The following VAV2 variants were observed in gnomAD, a reference collection of about 807,000 sequenced individuals.
The protein encoded by VAV2 is guanine nucleotide exchange factor VAV2.
VAV2 carries 67 observed loss-of-function variants against 132.5 expected under a neutral mutation model. The observed-to-expected ratio is 0.51, with a 90% CI of 0.42 to 0.62. VAV2 has a LOEUF of 0.62. Ranked by LOEUF, VAV2 falls within the 20% of genes least tolerant of loss-of-function variation. The pLI is 0.00. For synonymous variants in VAV2, 492 were observed against 443.5 expected (o/e 1.11, Z -1.37); for missense variants, 938 against 1,153.6 (o/e 0.81, Z 2.71).
At chr9:133,839,852 T>G (rs549367070) in intron 3 of VAV2, among the ~76,000 whole-genome samples, 14 of 152,304 alleles carry the variant, frequency 9.2e-5, no homozygotes, top group Non-Finnish European at 1.8e-4. Flanking sequence ...GATTAAACAG[T>G]GTGACACACA....
intron 3 of VAV2, among the ~76,000 whole-genome samples, chr9:133,843,133 G>A (rs1440633108): frequency 2.6e-5 from 4 of 152,200 alleles, no homozygotes; most frequent in South Asian, 4.1e-4. Flanking sequence ...GGTCGAACCC[G>A]GCTTTCCACC....
intron 1 of VAV2, among the ~76,000 whole-genome samples, chr9:133,951,753 T>C (rs1442223272): frequency 6.6e-6 from 1 of 152,134 alleles, no homozygotes; most frequent in African/African-American, 2.4e-5. Flanking sequence ...GCTGCAGGAA[T>C]AGGATCCTCA....
In VAV2 at chr9:133,920,187, C is replaced by T. The variant is rs551283810; in HGVS notation, c.321+18916G>A. Among the ~76,000 whole-genome samples, 14 of 152,290 alleles carry T rather than the reference C, an allele frequency of 9.2e-5. No homozygotes were observed. The South Asian group carries it at 2.9e-3, about 32-fold the overall frequency. On this transcript the variant is annotated intron_variant, in intron 2 of 29. Transcript: ENST00000371850. ...CCATCAAAGGCAGAGCTGAGAGCCT[C>T]CTTCTAGTCAGCCCCAGAAAGGCCT...
intron 2 of VAV2, among the ~76,000 whole-genome samples, chr9:133,931,115 T>C (rs953170222): frequency 1.6e-4 from 24 of 152,256 alleles, no homozygotes; most frequent in African/African-American, 5.8e-4. Flanking sequence ...CAGGGTGGCC[T>C]GGGCTGGGAC....
chr9:133,768,628 T>G lies in VAV2; in HGVS notation c.2435-32A>C, dbSNP rs773663965. On this transcript the variant is annotated intron_variant, in intron 28 of 29. Coordinates refer to ENST00000371850, the MANE Select transcript of VAV2 (RefSeq NM_001134398.2). The surrounding 1 kb of genome is among the most constrained non-coding windows in gnomAD (Gnocchi z 5.3). ...AGGGAGATGGGCAGCATCACACAGCTGCAGGAGGAGCCCAACCAGTGATCC... is the reference window on the plus strand; with the variant it reads ...AGGGAGATGGGCAGCATCACACAGCGGCAGGAGGAGCCCAACCAGTGATCC... 29 of 1,603,544 alleles carry G rather than the reference T, an allele frequency of 1.8e-5. No individual in the cohort carries two copies. The highest frequency in any genetic ancestry group is 2.6e-6 in the Non-Finnish European group (3 of 1,175,120).
At chr9:133,822,575 G>C (rs1397769404) in intron 4 of VAV2, among the ~76,000 whole-genome samples, 9 of 152,152 alleles carry the variant, frequency 5.9e-5, no homozygotes, top group Admixed American at 5.9e-4. Context: ...ATGAGGGAGG[G>C]AGGCCTTGCT....
chr9:133,975,234 C>T (rs1045708454), intron 1 of VAV2, among the ~76,000 whole-genome samples: 2 of 152,168 alleles, frequency 1.3e-5, no homozygotes, highest in East Asian at 1.9e-4. Context: ...TGGCCTCCCC[C>T]ACCAGGAGCT....
chr9:133,763,879 G>A lies in VAV2; in HGVS notation c.*183C>T, dbSNP rs755071321. ...ATAGCATACCCAGTGATGGGTCGCC[G>A]AGGGCAGGCTGACAGTGAAACGGTT... is the stretch of plus-strand genomic sequence containing the variant. On this transcript the variant is annotated 3_prime_UTR_variant, in exon 30 of 30. Transcript: ENST00000371850. The surrounding 1 kb of genome is among the most constrained non-coding windows in gnomAD (Gnocchi z 6.8). 7.3e-5 allele frequency: 52 copies of A among 708,338 alleles called. No individual in the cohort carries two copies. The highest frequency in any genetic ancestry group is 9.0e-5 in the Non-Finnish European group (38 of 422,530). 43.9% of individuals were successfully genotyped at this position (708,338 alleles called of 1,614,324 possible). A position where few individuals can be genotyped will look rare whatever the true frequency, so the allele number is the denominator to read the frequency against.
intron 2 of VAV2, among the ~76,000 whole-genome samples, chr9:133,891,621 G>A (rs1416804151): frequency 1.5e-4 from 3 of 19,384 alleles, no homozygotes; most frequent in Admixed American, 4.2e-4. Flanking sequence ...GAGAGGGATG[G>A]AGGGGAGGGA....
chr9:133,979,815 C>T (rs796706135), intron 1 of VAV2, among the ~76,000 whole-genome samples: 3 of 152,188 alleles, frequency 2.0e-5, no homozygotes, highest in South Asian at 2.1e-4. Context: ...GAGGGGAAGG[C>T]GGCGCCAGCT....
At chr9:133,841,005 T>C (rs1836700051) in intron 3 of VAV2, among the ~76,000 whole-genome samples, 1 of 152,106 alleles carries the variant, frequency 6.6e-6, no homozygotes, top group Admixed American at 6.5e-5. Flanking sequence ...GTTTGCTTTC[T>C]TGGAGGGCCC....
intron 1 of VAV2, among the ~76,000 whole-genome samples, chr9:133,958,315 T>C (rs1165384813): frequency 6.2e-5 from 9 of 144,534 alleles, no homozygotes; most frequent in Admixed American, 5.6e-4. Context: ...TAAAACCGGA[T>C]TGTACGTTCC....
At chr9:133,820,699 G>A (rs954544342) in intron 4 of VAV2, among the ~76,000 whole-genome samples, 1 of 152,186 alleles carries the variant, frequency 6.6e-6, no homozygotes, top group African/African-American at 2.4e-5. Context: ...GTTCACTTAC[G>A]TCATGACCAG....
At chr9:133,773,888 A>G (rs1833723080) in intron 25 of VAV2, among the ~76,000 whole-genome samples, 1 of 152,240 alleles carries the variant, frequency 6.6e-6, no homozygotes, top group Admixed American at 6.5e-5. Flanking sequence ...TATGACTGGC[A>G]GCACTGTAGG....
At chr9:133,855,043 G>A (rs1197275773) in intron 3 of VAV2, among the ~76,000 whole-genome samples, 1 of 151,690 alleles carries the variant, frequency 6.6e-6, no homozygotes, top group Non-Finnish European at 1.5e-5. Flanking sequence ...AGGGACACCA[G>A]CCCAGATGGA....
At chr9:133,975,260 A>C (rs1021141876) in intron 1 of VAV2, among the ~76,000 whole-genome samples, 1 of 151,838 alleles carries the variant, frequency 6.6e-6, no homozygotes, top group African/African-American at 2.4e-5. Flanking sequence ...GGCTGGACAC[A>C]AACCCATATC....
chr9:133,821,904 T>C (rs1564379241), intron 4 of VAV2, among the ~76,000 whole-genome samples: 1 of 152,202 alleles, frequency 6.6e-6, no homozygotes, highest in Admixed American at 6.5e-5. Context: ...CGTCTCATCC[T>C]TTCACTCCTG....
chr9:133,987,032 T>C (rs1842876068), intron 1 of VAV2, among the ~76,000 whole-genome samples: 1 of 149,268 alleles, frequency 6.7e-6, no homozygotes, highest in South Asian at 2.1e-4. Flanking sequence ...ATTTATTTAT[T>C]ATATATTTAT....
At position 133,935,337 on chromosome 9, in the gene VAV2, G is replaced by A. The variant is rs969363273; in HGVS notation, c.321+3766C>T. Among the ~76,000 whole-genome samples the A allele has an allele frequency of 6.6e-6, 1 of 152,214 alleles. No individual in the cohort carries two copies. The highest frequency in any genetic ancestry group is 2.4e-5 in the African/African-American group (1 of 41,456). On this transcript the variant is annotated intron_variant, in intron 2 of 29. Transcript: ENST00000371850. The surrounding 1 kb of genome is among the most constrained non-coding windows in gnomAD (Gnocchi z 5.2). The stretch of plus-strand genomic sequence containing the variant: ...CATCTCTGTGGCCAGAGGGACCGAT[G>A]CATGGAATGGCCAAGTAAGGAACCA...
Sources: allele counts gnomAD v4.1 joint callset (sites outside exome capture counted in the v4.1 genomes callset), GRCh38; gene constraint gnomAD v4.1.1; non-coding constraint Gnocchi (gnomAD v3.1); transcripts MANE v1.5; gene names NCBI Gene and HGNC (gene_info 2026-07-23, HGNC 2026-07-21).